Variants in NNT observed in about 807,000 individuals in gnomAD.
The protein encoded by NNT is nicotinamide nucleotide transhydrogenase.
In NNT, 50 loss-of-function variants were observed where a neutral mutation model predicts 104.8. The ratio of observed to expected loss-of-function variants is 0.48; its 90% CI spans 0.38 to 0.60. NNT has a LOEUF of 0.60. Among genes scored for constraint, NNT ranks in the 20% least tolerant of loss-of-function variants. NNT has a pLI of 0.00. For synonymous variants in NNT, 461 were observed against 490.4 expected (o/e 0.94, Z 0.79); for missense variants, 1,131 against 1,330.7 (o/e 0.85, Z 2.33).
In NNT at chr5:43,675,796, C is replaced by A. The variant is rs570302001; in HGVS notation, c.2794+126C>A. 12 of 681,668 alleles carry A rather than the reference C, an allele frequency of 1.8e-5. No homozygotes were observed. In the South Asian group the frequency reaches 3.4e-4, roughly 20 times the overall value. 42.2% of individuals were successfully genotyped at this position (681,668 alleles called of 1,614,324 possible). A position where few individuals can be genotyped will look rare whatever the true frequency, so the allele number is the denominator to read the frequency against. On this transcript the variant is annotated intron_variant, in intron 18 of 21. Coordinates refer to ENST00000344920, the MANE Select transcript of NNT (RefSeq NM_182977.3). ...TTTGAAAATATAATGGAAACAATAG[C>A]AAATCTATGATTACTAAGTGAAAAA...
chr5:43,629,038 C>T (rs1727835134), intron 7 of NNT, among the ~76,000 whole-genome samples: 1 of 151,764 alleles, frequency 6.6e-6, no homozygotes, highest in East Asian at 1.9e-4. Flanking sequence ...TTTTGGGGAG[C>T]AGGTGGTGTT....
intron 19 of NNT, among the ~76,000 whole-genome samples, chr5:43,690,663 G>T (rs1742222320): frequency 6.6e-6 from 1 of 152,196 alleles, no homozygotes; most frequent in Admixed American, 6.5e-5. Context: ...TAGTGGTTAA[G>T]ACCATTGGTT....
chr5:43,655,757 G>A, intron 14 of NNT, 83 bp from the exon 15 acceptor site: 1 of 935,026 alleles, frequency 1.1e-6, no homozygotes, highest in Non-Finnish European at 1.7e-6. Flanking sequence ...TGACAATGGT[G>A]GAAATCCTTA....
chr5:43,650,640 C>A, intron 12 of NNT, 53 bp downstream of exon 12: 1 of 1,323,022 alleles, frequency 7.6e-7, no homozygotes, highest in Non-Finnish European at 1.1e-6. Context: ...ACATACAAAG[C>A]AAATATAAAT....
At chr5:43,695,664 C>T (rs1270917428) in intron 19 of NNT, among the ~76,000 whole-genome samples, 1 of 152,124 alleles carries the variant, frequency 6.6e-6, no homozygotes, top group Non-Finnish European at 1.5e-5. Context: ...TGTATTAGTC[C>T]ATTTTCATGC....
intron 19 of NNT, among the ~76,000 whole-genome samples, chr5:43,699,353 C>CTTTTTT (rs11397352): frequency 8.2e-6 from 1 of 122,488 alleles, no homozygotes; most frequent in East Asian, 2.4e-4. Context: ...ATCTCCCTAC[C>CTTTTTT]TTTTTTTTTT....
At chr5:43,655,050 T>G (rs1364535836) in intron 14 of NNT, among the ~76,000 whole-genome samples, 1 of 152,228 alleles carries the variant, frequency 6.6e-6, no homozygotes, top group African/African-American at 2.4e-5. Flanking sequence ...TTTTTGCATT[T>G]CTTTACCTTG....
chr5:43,659,467 A>C, intron 17 of NNT, 117 bp downstream of exon 17: 5 of 886,454 alleles, frequency 5.6e-6, no homozygotes, highest in Non-Finnish European at 6.7e-6. Context: ...ATGGTAGCTC[A>C]CACCTGTAAT....
intron 7 of NNT, among the ~76,000 whole-genome samples, chr5:43,636,197 G>C (rs570673709): frequency 6.6e-6 from 1 of 152,074 alleles, no homozygotes; most frequent in Non-Finnish European, 1.5e-5. Flanking sequence ...GTGTAGGGCT[G>C]GGCATAGAGA....
At chr5:43,646,902 A>G (rs1739477047) in intron 10 of NNT, among the ~76,000 whole-genome samples, 2 of 152,208 alleles carry the variant, frequency 1.3e-5, no homozygotes, top group African/African-American at 4.8e-5. Flanking sequence ...AAAACACTAA[A>G]TAATTTATTG....
At chr5:43,685,077 A>T (rs1235795861) in intron 19 of NNT, among the ~76,000 whole-genome samples, 2 of 152,198 alleles carry the variant, frequency 1.3e-5, no homozygotes, top group Non-Finnish European at 2.9e-5. Flanking sequence ...TAATTTCTAA[A>T]TGAAGAGTTC....
intron 15 of NNT, 95 bp downstream of exon 15, chr5:43,656,168 C>T (rs905581309): frequency 3.0e-5 from 32 of 1,069,516 alleles, no homozygotes; most frequent in African/African-American, 9.4e-5. Flanking sequence ...CAGGGCTGGG[C>T]GCAATGGCTC....
intron 1 of NNT, among the ~76,000 whole-genome samples, chr5:43,603,608 G>A (rs35313525): frequency 0.011 from 1,750 of 152,234 alleles, 8 homozygotes; most frequent in Non-Finnish European, 0.018. Context: ...GAATGAGGCG[G>A]CAGCTGTGCA....
chr5:43,659,590 G>A (rs550172303), intron 17 of NNT, among the ~76,000 whole-genome samples: 5 of 152,186 alleles, frequency 3.3e-5, no homozygotes, highest in South Asian at 2.1e-4. Context: ...TTAGCCAGGC[G>A]TGGTGGTGGG....
chr5:43,672,113 G>A (rs577888234), intron 17 of NNT, among the ~76,000 whole-genome samples: 2 of 152,262 alleles, frequency 1.3e-5, no homozygotes, highest in South Asian at 4.1e-4. Context: ...CGTAGTTTTT[G>A]TGCCATGGTT....
chr5:43,652,294 C>T (rs1739809497), intron 13 of NNT, among the ~76,000 whole-genome samples: 1 of 152,126 alleles, frequency 6.6e-6, no homozygotes, highest in Non-Finnish European at 1.5e-5. Context: ...AGCACATCAT[C>T]TCTTGCTACT....
intron 17 of NNT, chr5:43,666,714 C>G: frequency 9.4e-7 from 1 of 1,064,700 alleles, no homozygotes; most frequent in Non-Finnish European, 1.3e-6. Context: ...AGCCCAGGGA[C>G]GGGGGTGGGG....
chr5:43,672,005 ACTTCT>A (rs2112071324), intron 17 of NNT, among the ~76,000 whole-genome samples: 1 of 151,904 alleles, frequency 6.6e-6, no homozygotes, highest in East Asian at 1.9e-4. Flanking sequence ...TTTTCTCTAA[ACTTCT>A]CTTCTCGCTT....
chr5:43,696,290 T>C (rs1231836283), intron 19 of NNT, among the ~76,000 whole-genome samples: 1 of 152,152 alleles, frequency 6.6e-6, no homozygotes. Flanking sequence ...AGCAGGGCAA[T>C]CAAATCTTAA....
Sources: gnomAD v4.1 joint callset for allele counts (sites outside exome capture counted in the v4.1 genomes callset) on GRCh38, gnomAD v4.1.1 for gene constraint, MANE v1.5 for transcripts, NCBI Gene and HGNC (gene_info 2026-07-23, HGNC 2026-07-21) for gene names.